Variants in MCTP1 observed in about 807,000 individuals in gnomAD.
The protein encoded by MCTP1 is multiple C2 and transmembrane domain-containing protein 1.
MCTP1 carries 69 observed loss-of-function variants against 120.6 expected under a neutral mutation model. The observed-to-expected ratio is 0.57, with a 90% CI of 0.47 to 0.70. MCTP1 has a LOEUF of 0.70. Ranked by LOEUF, MCTP1 falls within the 30% of genes least tolerant of loss-of-function variation. The pLI is 0.00. For synonymous variants in MCTP1, 529 were observed against 493.1 expected (o/e 1.07, Z -0.96); for missense variants, 1,203 against 1,248.8 (o/e 0.96, Z 0.55).
intron 19 of MCTP1, among the ~76,000 whole-genome samples, chr5:94,742,245 C>T (rs182059466): frequency 6.1e-4 from 92 of 152,048 alleles, no homozygotes; most frequent in Middle Eastern, 3.4e-3. Context: ...TATAGAGATG[C>T]GGTTTTGCCA....
At position 95,218,162 on chromosome 5, in the gene MCTP1, T is replaced by C. The variant is rs141075670; in HGVS notation, c.720+65694A>G. 7.3e-3 allele frequency among the ~76,000 whole-genome samples: 1,113 copies of C among 152,246 alleles called. 12 individuals are homozygous for C. The highest frequency in any genetic ancestry group is 0.03 in the South Asian group (146 of 4,820). On this transcript the variant is annotated intron_variant, in intron 1 of 22. Transcript: ENST00000515393. ...CTAGTCCTCCAAATGAGTTACACTATATTGGGACAGCAATGAGATAAGAGC... is the reference window on the plus strand; with the variant it reads ...CTAGTCCTCCAAATGAGTTACACTACATTGGGACAGCAATGAGATAAGAGC...
chr5:94,892,477 C>T (rs1802904384), intron 11 of MCTP1, among the ~76,000 whole-genome samples: 1 of 152,102 alleles, frequency 6.6e-6, no homozygotes, highest in Non-Finnish European at 1.5e-5. Context: ...TTACTACCCG[C>T]CCCCTATTGA....
intron 12 of MCTP1, among the ~76,000 whole-genome samples, chr5:94,887,752 T>A (rs1370503903): frequency 6.6e-6 from 1 of 152,226 alleles, no homozygotes; most frequent in African/African-American, 2.4e-5. Context: ...TTAAAGGAAC[T>A]GTAAACTAAT....
chr5:94,972,594 C>A (rs1827146301), intron 2 of MCTP1, among the ~76,000 whole-genome samples: 2 of 152,190 alleles, frequency 1.3e-5, no homozygotes, highest in African/African-American at 4.8e-5. Flanking sequence ...AGAGCAGAAC[C>A]ATATCATCAG....
intron 2 of MCTP1, among the ~76,000 whole-genome samples, chr5:94,973,841 A>G (rs1359520388): frequency 6.6e-6 from 1 of 152,124 alleles, no homozygotes; most frequent in Non-Finnish European, 1.5e-5. Flanking sequence ...GGTAGTTCAC[A>G]GTTCGACCTC....
At chr5:94,819,317 G>T (rs1785157242) in intron 17 of MCTP1, among the ~76,000 whole-genome samples, 1 of 151,956 alleles carries the variant, frequency 6.6e-6, no homozygotes, top group Non-Finnish European at 1.5e-5. Flanking sequence ...TTTTAGTAGA[G>T]ACGGAGTTTC....
At chr5:95,028,344 A>C (rs1414526463) in intron 1 of MCTP1, among the ~76,000 whole-genome samples, 2 of 152,150 alleles carry the variant, frequency 1.3e-5, no homozygotes, top group African/African-American at 2.4e-5. Flanking sequence ...GCTTTACTAT[A>C]CTTTGTTTTT....
At chr5:95,177,932 G>C (rs1312615343) in intron 1 of MCTP1, among the ~76,000 whole-genome samples, 3 of 152,198 alleles carry the variant, frequency 2.0e-5, no homozygotes, top group Non-Finnish European at 2.9e-5. Flanking sequence ...CAGTCAGTGA[G>C]GTGGTGGGAA....
intron 1 of MCTP1, among the ~76,000 whole-genome samples, chr5:95,233,286 C>T (rs886929713): frequency 2.0e-5 from 3 of 151,712 alleles, no homozygotes; most frequent in African/African-American, 2.4e-5. Flanking sequence ...ACAAAAAGAT[C>T]TCTTGAAACT....
At chr5:94,907,041 G>A (rs1807096049) in intron 10 of MCTP1, among the ~76,000 whole-genome samples, 1 of 152,184 alleles carries the variant, frequency 6.6e-6, no homozygotes, top group South Asian at 2.1e-4. Flanking sequence ...TAGGAATTAA[G>A]TAATTCTATT....
chr5:95,237,353 G>C (rs1312967102), intron 1 of MCTP1, among the ~76,000 whole-genome samples: 1 of 152,192 alleles, frequency 6.6e-6, no homozygotes, highest in South Asian at 2.1e-4. Context: ...ACCATTAAAA[G>C]TAACGGTTTT....
chr5:95,059,445 AAACT>A (rs1222561817), intron 1 of MCTP1, among the ~76,000 whole-genome samples: 2 of 152,152 alleles, frequency 1.3e-5, no homozygotes, highest in Non-Finnish European at 2.9e-5. Flanking sequence ...AAAGGTTGAA[AAACT>A]AACTATTGGA....
chr5:95,036,856 C>T (rs11949578), intron 1 of MCTP1, among the ~76,000 whole-genome samples: 215 of 152,198 alleles, frequency 1.4e-3, no homozygotes, highest in African/African-American at 5.0e-3. Flanking sequence ...TTTCCAACCT[C>T]GCACACTCCT....
intron 7 of MCTP1, among the ~76,000 whole-genome samples, chr5:94,920,796 T>C (rs1255933610): frequency 6.8e-6 from 1 of 147,294 alleles, no homozygotes; most frequent in East Asian, 2.0e-4. Context: ...TAATAAAAAG[T>C]CAAAAACTCT....
intron 2 of MCTP1, among the ~76,000 whole-genome samples, chr5:94,983,804 C>T (rs1829967235): frequency 6.6e-6 from 1 of 152,174 alleles, no homozygotes; most frequent in East Asian, 1.9e-4. Flanking sequence ...TGCCTTCCGA[C>T]CTATAGCCCT....
intron 20 of MCTP1, among the ~76,000 whole-genome samples, chr5:94,714,371 T>C (rs987630160): frequency 5.9e-5 from 9 of 152,308 alleles, no homozygotes; most frequent in South Asian, 4.1e-4. Context: ...TTAGTGTCAC[T>C]TGATGAAAAT....
intron 18 of MCTP1, among the ~76,000 whole-genome samples, chr5:94,790,252 A>C (rs1281648855): frequency 6.6e-6 from 1 of 152,152 alleles, no homozygotes; most frequent in South Asian, 2.1e-4. Context: ...TAAAACAAGA[A>C]ATTTAGTACT....
chr5:94,997,355 C>T (rs1195866416), intron 2 of MCTP1, among the ~76,000 whole-genome samples: 1 of 152,178 alleles, frequency 6.6e-6, no homozygotes, highest in African/African-American at 2.4e-5. Flanking sequence ...TTCCTAGGAA[C>T]ATCAGATAAC....
At chr5:94,955,700 C>T (rs1459611858) in intron 2 of MCTP1, among the ~76,000 whole-genome samples, 4 of 152,194 alleles carry the variant, frequency 2.6e-5, no homozygotes. Flanking sequence ...CCACTGTAGC[C>T]AGACTGCCTC....
Sources: allele counts gnomAD v4.1 joint callset (sites outside exome capture counted in the v4.1 genomes callset), GRCh38; gene constraint gnomAD v4.1.1; transcripts MANE v1.5; gene names NCBI Gene and HGNC (gene_info 2026-07-23, HGNC 2026-07-21).